The following ZNF737 variants were observed in gnomAD, a reference collection of about 807,000 sequenced individuals.
ZNF737 encodes zinc finger protein 737.
ZNF737 carries 13 observed loss-of-function variants against 11.7 expected under a neutral mutation model. That is an observed-to-expected ratio of 1.11 (90% confidence interval 0.73 to 1.77). The LOEUF (loss-of-function observed/expected upper bound fraction) is 1.77. Among genes scored for constraint, ZNF737 ranks in the 40% most tolerant of loss-of-function variants. ZNF737 has a pLI of 0.00. For synonymous variants in ZNF737, 217 were observed against 216.2 expected, an observed-to-expected ratio of 1.00 and a Z score of -0.03; for missense variants, 636 against 638.0, an observed-to-expected ratio of 1.00 and a Z score of 0.03.
At chr19:20,548,586 A>T (rs1232891054) in intron 3 of ZNF737, among the ~76,000 whole-genome samples, 1 of 152,116 alleles carries the variant, frequency 6.6e-6, no homozygotes. Context: ...TTTGCTTAAC[A>T]ATGTGAATAT....
In ZNF737 at chr19:20,541,264, C is replaced by T. The variant is rs188543226; in HGVS notation, c.*3328G>A. ...AAATATGTACAAACCTATACTCACA[C>T]AAAAACACTCAATTCATAATTTTCT... On this transcript the variant is annotated 3_prime_UTR_variant, in exon 4 of 4. Coordinates refer to ENST00000427401, the MANE Select transcript of ZNF737 (RefSeq NM_001159293.2). 579 of 984,628 alleles carry T rather than the reference C, an allele frequency of 5.9e-4. 2 individuals carry two copies. The African/African-American group carries it at 9.4e-3, about 16-fold the overall frequency. The allele number at this position is 984,628 out of a possible 1,614,324, so 61.0% of individuals were successfully genotyped here.
chr19:20,531,849 C>T (rs1250695500), downstream of ZNF737, among the ~76,000 whole-genome samples: 1 of 150,164 alleles, frequency 6.7e-6, no homozygotes. Flanking sequence ...GAGATAAATA[C>T]TCACATAGAG....
downstream of ZNF737, among the ~76,000 whole-genome samples, chr19:20,533,613 C>T (rs1967882383): frequency 6.7e-6 from 1 of 150,096 alleles, no homozygotes; most frequent in Non-Finnish European, 1.5e-5. Context: ...AAAACATAGC[C>T]ATACAATGTT....
In ZNF737 at chr19:20,538,673, G is replaced by A. The variant is rs2144575904; in HGVS notation, c.*5919C>T. ...ATTATGGACCCTGAGTAATTCAGGGGGAATTGGTATCTCTGTAAAGAGACA... is the reference window on the plus strand; with the variant it reads ...ATTATGGACCCTGAGTAATTCAGGGAGAATTGGTATCTCTGTAAAGAGACA... On this transcript the variant is annotated 3_prime_UTR_variant, in exon 4 of 4. Transcript: ENST00000427401. 1 of 985,358 alleles carries A rather than the reference G, an allele frequency of 1.0e-6. No individual in the cohort carries two copies. Among genetic ancestry groups the A allele is most frequent in the Non-Finnish European group, 1.2e-6 (1 of 829,890 alleles). 61.0% of individuals were successfully genotyped at this position (985,358 alleles called of 1,614,324 possible).
Position 20,553,809 on chromosome 19 carries a change from G to A in ZNF737, c.30C>T (p.Ala10=), listed in dbSNP as rs782688992. 2 of 1,613,642 alleles carry A rather than the reference G, an allele frequency of 1.2e-6. No individual in the cohort carries two copies. The highest frequency in any genetic ancestry group is 1.7e-6 in the Non-Finnish European group (2 of 1,179,936). The part of the protein sequence containing the change: MGPLQFRDV[A]IEFSLEEWHC... ...GCCACTCCTCCAGAGAGAATTCTAT[G>A]GCCACGTCTCTAAATTGCAATGGCC... Residue 10 remains alanine, a synonymous_variant, in exon 2 of 4, where the codon GCC becomes GCT. Transcript: ENST00000427401.
intron 1 of ZNF737, among the ~76,000 whole-genome samples, chr19:20,558,298 TATA>T (rs1736305459): frequency 6.7e-6 from 1 of 149,430 alleles, no homozygotes; most frequent in South Asian, 2.1e-4. Context: ...AAAAAGAACC[TATA>T]ATAACAATTC....
intron 1 of ZNF737, among the ~76,000 whole-genome samples, chr19:20,563,754 G>C (rs1179156869): frequency 6.6e-6 from 1 of 152,122 alleles, no homozygotes; most frequent in Non-Finnish European, 1.5e-5. Context: ...CCAAAGTGCT[G>C]AGATGACAGG....
chr19:20,544,277 A>T lies in ZNF737; in HGVS notation c.*315T>A, dbSNP rs1380180065. 30 of 1,175,994 alleles carry T rather than the reference A, an allele frequency of 2.6e-5. No individual in the cohort carries two copies. Among genetic ancestry groups the T allele is most frequent in the Non-Finnish European group, 2.9e-5 (28 of 950,190 alleles). The allele number at this position is 1,175,994 out of a possible 1,614,324, so 72.8% of individuals were successfully genotyped here. A position where few individuals can be genotyped will look rare whatever the true frequency, so the allele number is the denominator to read the frequency against. On this transcript the variant is annotated 3_prime_UTR_variant, in exon 4 of 4. Coordinates refer to ENST00000427401, the MANE Select transcript of ZNF737 (RefSeq NM_001159293.2). The stretch of plus-strand genomic sequence containing the variant: ...TTTATATTTGTAGGGTTTATGTTCC[A>T]TATAAATTCTCATATTTAGTAAAAG...
At position 20,553,627 on chromosome 19, in the gene ZNF737, T is replaced by A. The variant is rs116126192; in HGVS notation, c.130+82A>T. 3.4e-3 allele frequency: 4,629 copies of A among 1,378,162 alleles called. 131 individuals are homozygous for A. The African/African-American group carries it at 0.059, about 18-fold the overall frequency. The allele number at this position is 1,378,162 out of a possible 1,614,324, so 85.4% of individuals were successfully genotyped here. A position where few individuals can be genotyped will look rare whatever the true frequency, so the allele number is the denominator to read the frequency against. On this transcript the variant is annotated intron_variant, in intron 2 of 3. Transcript: ENST00000427401. ...GATCTGAAACTCTTTTATAAAAGAATAAATTACTAAAAAAATTCTACAAGA... is the reference window on the plus strand; with the variant it reads ...GATCTGAAACTCTTTTATAAAAGAAAAAATTACTAAAAAAATTCTACAAGA...
At chr19:20,533,128 G>T (rs1967869873), downstream of ZNF737, among the ~76,000 whole-genome samples, 2 of 150,054 alleles carry the variant, frequency 1.3e-5, no homozygotes, top group African/African-American at 4.9e-5. Context: ...ATCCTGACAT[G>T]GCAGTAAATA....
chr19:20,542,241 T>C lies in ZNF737; in HGVS notation c.*2351A>G, dbSNP rs1968237828. The C allele has an allele frequency of 1.0e-6, 1 of 970,064 alleles. No homozygotes were observed. Among genetic ancestry groups the C allele is most frequent in the Non-Finnish European group, 1.2e-6 (1 of 816,322 alleles). The allele number at this position is 970,064 out of a possible 1,614,324, so 60.1% of individuals were successfully genotyped here. ...ACAAATAATCTAACAAACTTTTTTT[T>C]TTTTGAGACAGAGTTTTGCTCTTGT... On this transcript the variant is annotated 3_prime_UTR_variant, in exon 4 of 4. Coordinates refer to ENST00000427401, the MANE Select transcript of ZNF737 (RefSeq NM_001159293.2).
chr19:20,549,186 C>G (rs1322655564), intron 3 of ZNF737, among the ~76,000 whole-genome samples: 1 of 152,050 alleles, frequency 6.6e-6, no homozygotes, highest in Non-Finnish European at 1.5e-5. Flanking sequence ...GATAAATACA[C>G]ATACAAATGT....
intron 1 of ZNF737, among the ~76,000 whole-genome samples, chr19:20,563,001 C>T (rs1451798739): frequency 6.6e-6 from 1 of 151,166 alleles, no homozygotes; most frequent in Non-Finnish European, 1.5e-5. Flanking sequence ...AAGCCCTTTT[C>T]TGCTTACATC....
At position 20,541,725 on chromosome 19, in the gene ZNF737, C is replaced by T. The variant is rs992478721; in HGVS notation, c.*2867G>A. Among the ~76,000 whole-genome samples, 17 of 152,018 alleles carry T rather than the reference C, an allele frequency of 1.1e-4. No individual in the cohort carries two copies. The highest frequency in any genetic ancestry group is 3.3e-4 in the Admixed American group (5 of 15,266). On this transcript the variant is annotated 3_prime_UTR_variant, in exon 4 of 4. Coordinates refer to ENST00000427401, the MANE Select transcript of ZNF737 (RefSeq NM_001159293.2). Reference sequence around the variant, plus strand: ...ACAGATGTGAGCCACTGTGCCTGGCCGTATTTTATTTACATTTTTGTATAA... The same window carrying T: ...ACAGATGTGAGCCACTGTGCCTGGCTGTATTTTATTTACATTTTTGTATAA...
chr19:20,543,604 G>A lies in ZNF737; in HGVS notation c.*988C>T, dbSNP rs936308115. ...GGTGTAAGAACTGATTAAAAGTTTT[G>A]CCACATTCTTCACACTTGTAGGAGT... On this transcript the variant is annotated 3_prime_UTR_variant, in exon 4 of 4. Coordinates refer to ENST00000427401, the MANE Select transcript of ZNF737 (RefSeq NM_001159293.2). 3.0e-6 allele frequency: 3 copies of A among 985,344 alleles called. No homozygotes were observed. The highest frequency in any genetic ancestry group is 6.2e-5 in the Admixed American group (1 of 16,250). The allele number at this position is 985,344 out of a possible 1,614,324, so 61.0% of individuals were successfully genotyped here.
intron 1 of ZNF737, among the ~76,000 whole-genome samples, chr19:20,556,624 C>A (rs780408328): frequency 6.6e-6 from 1 of 152,208 alleles, no homozygotes; most frequent in South Asian, 2.1e-4. Context: ...GAAGCAGTCA[C>A]AGCACATAGT....
Position 20,565,712 on chromosome 19 carries a change from G to C in ZNF737, c.-72C>G. The C allele has an allele frequency of 6.2e-7, 1 of 1,607,408 alleles. No individual in the cohort carries two copies. The highest frequency in any genetic ancestry group is 8.5e-7 in the Non-Finnish European group (1 of 1,173,842). On this transcript the variant is annotated 5_prime_UTR_variant, in exon 1 of 4. Coordinates refer to ENST00000427401, the MANE Select transcript of ZNF737 (RefSeq NM_001159293.2). ...AATACCTGCAGGACACAGGGCCACA[G>C]AGGCTGGGCCTCTAGGAGCAGAGGA...
chr19:20,548,752 T>TA (rs782528781), intron 3 of ZNF737, among the ~76,000 whole-genome samples: 3 of 52,804 alleles, frequency 5.7e-5, no homozygotes, highest in Non-Finnish European at 1.2e-4. Flanking sequence ...ATTATTATTA[T>TA]TATTTTTTAT....
chr19:20,545,921 A>G lies in ZNF737; in HGVS notation c.282T>C (p.Ser94=). ...DLWPEQSIKD[S]FQKVTLRRYE... is the part of the protein sequence containing the mutation. Reference sequence around the variant, plus strand: ...ATCTTCTCAGTGTCACTTTTTGGAAAGAATCTTTTATGCTCTGCTCTGGCC... The same window carrying G: ...ATCTTCTCAGTGTCACTTTTTGGAAGGAATCTTTTATGCTCTGCTCTGGCC... The change falls in exon 4 of 4, where the codon TCT becomes TCC. Residue 94 remains serine (S), a synonymous_variant. Transcript: ENST00000427401. The G allele has an allele frequency of 6.3e-7, 1 of 1,594,290 alleles. No homozygotes were observed.
Sources: gnomAD v4.1 joint callset for allele counts (sites outside exome capture counted in the v4.1 genomes callset) on GRCh38, gnomAD v4.1.1 for gene constraint, MANE v1.5 for transcripts, NCBI Gene and HGNC (gene_info 2026-07-23, HGNC 2026-07-21) for gene names.